The following DIPK1A variants were observed in gnomAD, a reference collection of about 807,000 sequenced individuals.
The protein encoded by DIPK1A is family with sequence similarity 69 member A.
A neutral mutation model predicts 40.8 loss-of-function variants in DIPK1A; 27 were observed. The observed-to-expected ratio is 0.66, with a 90% CI of 0.49 to 0.91. The LOEUF (loss-of-function observed/expected upper bound fraction) is 0.91. Among genes scored for constraint, DIPK1A ranks in the 40% least tolerant of loss-of-function variants. DIPK1A has a pLI of 0.00. For missense variants in DIPK1A, 412 were observed against 505.7 expected, an observed-to-expected ratio of 0.81 and a Z score of 1.78; for synonymous variants, 166 against 171.3, an observed-to-expected ratio of 0.97 and a Z score of 0.24.
At chr1:92,901,496 G>A (rs12091803) in intron 1 of DIPK1A, among the ~76,000 whole-genome samples, 2,770 of 152,108 alleles carry the variant, frequency 0.018, 110 homozygotes, top group African/African-American at 0.063. Context: ...AGCTGTGATT[G>A]TACCCCTAGG....
rs1687425228 is a variant in DIPK1A, at chr1:92,842,725, A to G, written c.*658T>C. On this transcript the variant is annotated 3_prime_UTR_variant, in exon 5 of 5. Coordinates refer to ENST00000370310, the MANE Select transcript of DIPK1A (RefSeq NM_001006605.5). ...CGTGATACTAAGATGGGCCCTTTGA[A>G]TCTTTAGGAAAGTTCATCCATTTTT... 1 of 985,450 alleles carries G rather than the reference A, an allele frequency of 1.0e-6. No individual in the cohort carries two copies. Among genetic ancestry groups the G allele is most frequent in the Non-Finnish European group, 1.2e-6 (1 of 829,952 alleles). The allele number at this position is 985,450 out of a possible 1,614,324, so 61.0% of individuals were successfully genotyped here.
At chr1:92,875,858 T>C (rs1161066823) in intron 2 of DIPK1A, among the ~76,000 whole-genome samples, 1 of 152,006 alleles carries the variant, frequency 6.6e-6, no homozygotes, top group African/African-American at 2.4e-5. Context: ...TTTTCTGAGA[T>C]ACATCCAATC....
At chr1:92,897,923 A>G (rs916721225) in intron 1 of DIPK1A, among the ~76,000 whole-genome samples, 25 of 151,976 alleles carry the variant, frequency 1.6e-4, no homozygotes, top group African/African-American at 5.6e-4. Flanking sequence ...ATGTGGTGAA[A>G]CCTTATCTCT....
chr1:92,923,740 T>G (rs1011164763), intron 1 of DIPK1A, among the ~76,000 whole-genome samples: 1 of 152,212 alleles, frequency 6.6e-6, no homozygotes, highest in Non-Finnish European at 1.5e-5. Flanking sequence ...AATCGTCTGC[T>G]CTAATCTACA....
intron 2 of DIPK1A, among the ~76,000 whole-genome samples, chr1:92,857,851 C>T (rs955059747): frequency 6.6e-6 from 1 of 152,060 alleles, no homozygotes; most frequent in Non-Finnish European, 1.5e-5. Flanking sequence ...GTTCTTTTAA[C>T]CACTAAAGTA....
intron 1 of DIPK1A, among the ~76,000 whole-genome samples, chr1:92,905,954 G>C (rs944819975): frequency 2.0e-5 from 3 of 151,900 alleles, no homozygotes; most frequent in Non-Finnish European, 4.4e-5. Context: ...TTTATTTCTG[G>C]GTTCTCTATC....
intron 2 of DIPK1A, among the ~76,000 whole-genome samples, chr1:92,869,152 CTATTATTATTAT>C (rs10688368): frequency 6.8e-6 from 1 of 146,266 alleles, no homozygotes; most frequent in African/African-American, 2.5e-5. Context: ...AAATATTACA[CTATTATTATTAT>C]TATTATTATT....
intron 1 of DIPK1A, among the ~76,000 whole-genome samples, chr1:92,889,463 A>C (rs1254628566): frequency 6.6e-6 from 1 of 151,990 alleles, no homozygotes; most frequent in Non-Finnish European, 1.5e-5. Flanking sequence ...TCTCAGGATT[A>C]CTTTGGCTAT....
chr1:92,942,859 T>G (rs1571145263), intron 1 of DIPK1A, among the ~76,000 whole-genome samples: 3 of 152,270 alleles, frequency 2.0e-5, no homozygotes, highest in Admixed American at 2.0e-4. Flanking sequence ...GAGACGGGGT[T>G]TCACCATGTT....
At chr1:92,836,433 A>G (rs1376663754) in intron 4 of DIPK1A, 9 of 1,568,322 alleles carry the variant, frequency 5.7e-6, no homozygotes, top group Non-Finnish European at 7.9e-6. Flanking sequence ...GGACCGTGGT[A>G]CTTCCCTGTT....
At chr1:92,879,932 A>G (rs1378549175) in intron 1 of DIPK1A, among the ~76,000 whole-genome samples, 3 of 152,206 alleles carry the variant, frequency 2.0e-5, no homozygotes. Context: ...TAGTAATGGT[A>G]TGTTGCTTTT....
downstream of DIPK1A, among the ~76,000 whole-genome samples, chr1:92,840,026 T>A (rs914410059): frequency 3.9e-4 from 59 of 150,296 alleles, no homozygotes; most frequent in East Asian, 4.1e-3. Context: ...TTTTTTTTTT[T>A]AATTTTTGGT....
chr1:92,913,014 G>A (rs1649896042), intron 1 of DIPK1A, among the ~76,000 whole-genome samples: 2 of 152,064 alleles, frequency 1.3e-5, no homozygotes, highest in African/African-American at 4.8e-5. Context: ...TAAGGCAGGA[G>A]AATTGCTTAA....
At chr1:92,838,285 G>C (rs748567130), downstream of DIPK1A, among the ~76,000 whole-genome samples, 3 of 152,166 alleles carry the variant, frequency 2.0e-5, no homozygotes, top group Non-Finnish European at 4.4e-5. Flanking sequence ...TTCTGAGTTA[G>C]GAAAAGGAGT....
chr1:92,847,890 T>G (rs1038382211), intron 3 of DIPK1A, among the ~76,000 whole-genome samples: 11 of 152,114 alleles, frequency 7.2e-5, no homozygotes, highest in African/African-American at 2.7e-4. Flanking sequence ...CATGTACCAC[T>G]AAACCTGGCT....
intron 1 of DIPK1A, among the ~76,000 whole-genome samples, chr1:92,884,194 C>T (rs1648500618): frequency 6.6e-6 from 1 of 152,146 alleles, no homozygotes; most frequent in Admixed American, 6.5e-5. Flanking sequence ...TGGCTCACAC[C>T]TATAATCCCA....
intron 2 of DIPK1A, among the ~76,000 whole-genome samples, chr1:92,855,915 A>G (rs1687971860): frequency 6.6e-6 from 1 of 151,928 alleles, no homozygotes; most frequent in Admixed American, 6.6e-5. Flanking sequence ...CTTTGTATCT[A>G]CAAAAAATAC....
At chr1:92,837,918 C>A, downstream of DIPK1A, 1 of 422,020 alleles carries the variant, frequency 2.4e-6, no homozygotes. Flanking sequence ...AGATAATAAA[C>A]TTCACTTATT....
chr1:92,910,027 C>A lies in DIPK1A; in HGVS notation c.55-33597G>T, dbSNP rs551741547. On this transcript the variant is annotated intron_variant, in intron 1 of 4. Transcript: ENST00000370310. ...TCAGGCAGCTAAGAGACGGGAAGGG[C>A]TCCTTCCATCTAAGAACCTAGGGCA... Among the ~76,000 whole-genome samples, 29 of 152,264 alleles carry A rather than the reference C, an allele frequency of 1.9e-4. No individual in the cohort carries two copies. In the South Asian group the frequency reaches 5.8e-3, roughly 30 times the overall value.
Sources: gnomAD v4.1 joint callset for allele counts (sites outside exome capture counted in the v4.1 genomes callset) on GRCh38, gnomAD v4.1.1 for gene constraint, MANE v1.5 for transcripts, NCBI Gene and HGNC (gene_info 2026-07-23, HGNC 2026-07-21) for gene names.